FMN2: variants seen among roughly 807,000 people sequenced by gnomAD.
The protein encoded by FMN2 is formin 2, also known as formin-2.
Under a neutral mutation model 142.3 loss-of-function variants are expected in FMN2, and 51 were observed. The observed-to-expected ratio is 0.36, with a 90% confidence interval of 0.29 to 0.45. The LOEUF (loss-of-function observed/expected upper bound fraction) is 0.45, where lower values mean the gene tolerates loss of function less well. FMN2 is among the 20% of genes least tolerant of loss of function. The probability of loss-of-function intolerance (pLI) is 1.00; values close to 1 mark genes in which losing one functional copy is unlikely to be tolerated. For missense variants in FMN2, 1,936 were observed against 2,122.8 expected (o/e 0.91, Z 1.73); for synonymous variants, 882 against 869.8 (o/e 1.01, Z -0.25).
intron 16 of FMN2, among the ~76,000 whole-genome samples, chr1:240,441,275 G>A (rs1476816762): frequency 6.6e-6 from 1 of 152,120 alleles, no homozygotes. Flanking sequence ...TTACAGGCGT[G>A]AGCCACCACA....
intron 15 of FMN2, among the ~76,000 whole-genome samples, chr1:240,426,797 A>G (rs9659363): frequency 0.1 from 15,350 of 152,138 alleles, 2,631 homozygotes; most frequent in African/African-American, 0.35. Flanking sequence ...GTACAATGGC[A>G]TGATCTTGGC....
intron 16 of FMN2, among the ~76,000 whole-genome samples, chr1:240,443,689 G>A (rs961087314): frequency 5.1e-4 from 77 of 152,064 alleles, no homozygotes; most frequent in African/African-American, 1.8e-3. Context: ...GGAGGCGTAG[G>A]GTGCAGTGAG....
intron 1 of FMN2, among the ~76,000 whole-genome samples, chr1:240,102,847 A>T (rs1398312416): frequency 2.6e-5 from 4 of 152,034 alleles, no homozygotes; most frequent in Non-Finnish European, 5.9e-5. Context: ...TGATATCAGT[A>T]AAAAGGTGAT....
chr1:240,153,774 AC>A (rs1281143455), intron 2 of FMN2, among the ~76,000 whole-genome samples: 3 of 152,046 alleles, frequency 2.0e-5, no homozygotes, highest in Non-Finnish European at 4.4e-5. Context: ...AATTTCATGA[AC>A]TTTTTGTTGG....
chr1:240,328,147 CAAAAAAAAAA>C (rs780595882), intron 8 of FMN2, among the ~76,000 whole-genome samples: 8 of 51,428 alleles, frequency 1.6e-4, no homozygotes, highest in Admixed American at 1.3e-3. Flanking sequence ...GACCCCATCT[CAAAAAAAAAA>C]AAAAAAAAAA....
At position 240,241,825 on chromosome 1, in the gene FMN2, C is replaced by CTT. The variant is rs71567282; in HGVS notation, c.4066-16092_4066-16091dup. Among the ~76,000 whole-genome samples, 415 of 96,110 alleles carry CTT rather than the reference C, an allele frequency of 4.3e-3. 61 individuals are homozygous for CTT. Among genetic ancestry groups the CTT allele is most frequent in the Non-Finnish European group, 6.7e-3 (313 of 46,568 alleles). 63.1% of individuals were successfully genotyped at this position (96,110 alleles called of 152,430 possible). A position where few individuals can be genotyped will look rare whatever the true frequency, so the allele number is the denominator to read the frequency against. On this transcript the variant is annotated intron_variant, in intron 6 of 17. Coordinates refer to ENST00000319653, the MANE Select transcript of FMN2 (RefSeq NM_020066.5). Reference sequence around the variant, plus strand: ...ATTTTCTTTATTTTAGTGTGCCTTGCTTTTTTTTTTTTTTTTTTTTTTTTT... The same window carrying CTT: ...ATTTTCTTTATTTTAGTGTGCCTTGCTTTTTTTTTTTTTTTTTTTTTTTTTTT...
intron 3 of FMN2, among the ~76,000 whole-genome samples, chr1:240,185,710 A>T (rs1261569554): frequency 6.6e-6 from 1 of 152,236 alleles, no homozygotes; most frequent in Non-Finnish European, 1.5e-5. Context: ...TTTCTAATGT[A>T]AAGAACTCTT....
At chr1:240,315,105 A>C (rs1670732109) in intron 8 of FMN2, among the ~76,000 whole-genome samples, 1 of 152,210 alleles carries the variant, frequency 6.6e-6, no homozygotes, top group South Asian at 2.1e-4. Context: ...ATAAATGTTC[A>C]CTAGGCTGTC....
intron 6 of FMN2, 27 bp downstream of exon 6, chr1:240,211,262 T>C (rs1666681851): frequency 6.2e-7 from 1 of 1,603,640 alleles, no homozygotes; most frequent in South Asian, 1.1e-5. Flanking sequence ...TTTATGAAAT[T>C]GGACAGTGTT....
At chr1:240,323,035 T>A (rs1434696637) in intron 8 of FMN2, among the ~76,000 whole-genome samples, 1 of 152,174 alleles carries the variant, frequency 6.6e-6, no homozygotes, top group Non-Finnish European at 1.5e-5. Context: ...TTCATCATTG[T>A]TGAATTTTAG....
chr1:240,262,201 G>A (rs975707259), intron 7 of FMN2, among the ~76,000 whole-genome samples: 1 of 151,740 alleles, frequency 6.6e-6, no homozygotes, highest in African/African-American at 2.4e-5. Flanking sequence ...TCTGGGCTTT[G>A]ATATTTGGCC....
intron 7 of FMN2, among the ~76,000 whole-genome samples, chr1:240,263,085 G>C (rs1299923888): frequency 6.6e-6 from 1 of 152,086 alleles, no homozygotes; most frequent in Non-Finnish European, 1.5e-5. Context: ...TAAGCTAGTA[G>C]TATTGTCACC....
intron 2 of FMN2, chr1:240,145,187 A>G (rs1275873259): frequency 1.2e-5 from 18 of 1,440,538 alleles, no homozygotes; most frequent in Admixed American, 5.1e-5. Context: ...CTTCTCCCCG[A>G]GTCATTCCAC....
At position 240,271,098 on chromosome 1, in the gene FMN2, G is replaced by GTTTTTTTTTTTTTTTTTTTTTTTTTTT; in HGVS notation, c.4153+13085_4153+13086insTTTTTTTTTTTTTTTTTTTTTTTTTTT. On this transcript the variant is annotated intron_variant, in intron 7 of 17. Transcript: ENST00000319653. ...ACCCCCCTAGGAACTTTCCACGATG[G>GTTTTTTTTTTTTTTTTTTTTTTTTTTT]TTTTTTTTTTTTTTTTTTTGTGACT... is the stretch of plus-strand genomic sequence containing the variant. Among the ~76,000 whole-genome samples the GTTTTTTTTTTTTTTTTTTTTTTTTTTT allele has an allele frequency of 7.6e-4, 55 of 72,224 alleles. 3 individuals carry two copies. Among genetic ancestry groups the GTTTTTTTTTTTTTTTTTTTTTTTTTTT allele is most frequent in the East Asian group, 1.9e-3 (4 of 2,130 alleles). The allele number at this position is 72,224 out of a possible 152,430, so 47.4% of individuals were successfully genotyped here.
chr1:240,201,444 CA>C (rs1666117464), intron 4 of FMN2, among the ~76,000 whole-genome samples: 3 of 152,074 alleles, frequency 2.0e-5, no homozygotes, highest in Admixed American at 6.6e-5. Context: ...TTAGCTAATA[CA>C]GTAAGAATGA....
chr1:240,224,764 G>T (rs1667241293), intron 6 of FMN2, among the ~76,000 whole-genome samples: 1 of 152,146 alleles, frequency 6.6e-6, no homozygotes, highest in Non-Finnish European at 1.5e-5. Context: ...ATTTGCTGCA[G>T]CCAAGGAGAT....
intron 14 of FMN2, among the ~76,000 whole-genome samples, chr1:240,376,529 C>T (rs1215011777): frequency 6.6e-6 from 1 of 151,994 alleles, no homozygotes; most frequent in East Asian, 1.9e-4. Flanking sequence ...AAGGGATGTT[C>T]GTACCTATAG....
At chr1:240,196,346 T>C (rs901321856) in intron 4 of FMN2, among the ~76,000 whole-genome samples, 1 of 152,120 alleles carries the variant, frequency 6.6e-6, no homozygotes, top group African/African-American at 2.4e-5. Context: ...AGAATTGAAA[T>C]GATGGGTTTG....
chr1:240,422,974 A>G (rs917098193), intron 15 of FMN2, among the ~76,000 whole-genome samples: 3 of 152,060 alleles, frequency 2.0e-5, no homozygotes, highest in Admixed American at 1.3e-4. Flanking sequence ...TTTTTCTAAG[A>G]GCAGTTGGCT....
Sources: gnomAD v4.1 joint callset for allele counts (sites outside exome capture counted in the v4.1 genomes callset) on GRCh38, gnomAD v4.1.1 for gene constraint, MANE v1.5 for transcripts, NCBI Gene and HGNC (gene_info 2026-07-23, HGNC 2026-07-21) for gene names.